The following PTPRD variants were observed in gnomAD, a reference collection of about 807,000 sequenced individuals.
PTPRD encodes protein tyrosine phosphatase receptor type D.
In PTPRD, 34 loss-of-function variants were observed where a neutral mutation model predicts 214.5. The observed-to-expected ratio is 0.16, with a 90% CI of 0.12 to 0.21. The LOEUF (loss-of-function observed/expected upper bound fraction) is 0.21. PTPRD is among the 10% of genes least tolerant of loss of function. PTPRD has a pLI of 1.00. For synonymous variants in PTPRD, 1,128 were observed against 845.7 expected, an observed-to-expected ratio of 1.33 and a Z score of -5.79; for missense variants, 2,545 against 2,398.7, an observed-to-expected ratio of 1.06 and a Z score of -1.27.
At chr9:10,087,110 C>A (rs1160578057) in intron 3 of PTPRD, among the ~76,000 whole-genome samples, 2 of 147,180 alleles carry the variant, frequency 1.4e-5, no homozygotes, top group Non-Finnish European at 3.0e-5. Flanking sequence ...TCAAACAATG[C>A]TTGATTTTTC....
chr9:9,393,752 CTG>C (rs1327016428), intron 9 of PTPRD, among the ~76,000 whole-genome samples: 1 of 152,076 alleles, frequency 6.6e-6, no homozygotes, highest in Non-Finnish European at 1.5e-5. Flanking sequence ...CTAAAATACA[CTG>C]TTATTTCCAC....
intron 2 of PTPRD, among the ~76,000 whole-genome samples, chr9:10,473,158 T>C (rs2131796592): frequency 7.2e-6 from 1 of 139,150 alleles, no homozygotes; most frequent in African/African-American, 2.7e-5. Flanking sequence ...CCGACACATG[T>C]GGCCACATTA....
intron 8 of PTPRD, among the ~76,000 whole-genome samples, chr9:9,525,147 G>A (rs1002839481): frequency 1.3e-5 from 2 of 152,148 alleles, no homozygotes; most frequent in South Asian, 2.1e-4. Flanking sequence ...GTGAGCCACC[G>A]CCCGGTCGGG....
intron 4 of PTPRD, among the ~76,000 whole-genome samples, chr9:9,941,244 C>G (rs1298800568): frequency 6.6e-6 from 1 of 152,128 alleles, no homozygotes; most frequent in Non-Finnish European, 1.5e-5. Context: ...AAGGGAAAAG[C>G]TATGTCTGAC....
At chr9:8,996,149 C>T (rs2099395752) in intron 11 of PTPRD, among the ~76,000 whole-genome samples, 1 of 152,054 alleles carries the variant, frequency 6.6e-6, no homozygotes, top group African/African-American at 2.4e-5. Context: ...TAGGTTCTCA[C>T]AAAAACCTAT....
At chr9:9,188,888 A>G (rs891734123) in intron 9 of PTPRD, among the ~76,000 whole-genome samples, 1 of 151,954 alleles carries the variant, frequency 6.6e-6, no homozygotes, top group African/African-American at 2.4e-5. Flanking sequence ...CAAATAAACA[A>G]AACCAACACA....
intron 27 of PTPRD, among the ~76,000 whole-genome samples, chr9:8,488,903 T>C (rs925677154): frequency 3.3e-5 from 5 of 152,130 alleles, no homozygotes; most frequent in Non-Finnish European, 7.3e-5. Flanking sequence ...TAATTCTCAA[T>C]ATTCTCCAGA....
chr9:9,627,957 T>C (rs1439535397), intron 7 of PTPRD, among the ~76,000 whole-genome samples: 1 of 152,084 alleles, frequency 6.6e-6, no homozygotes, highest in Non-Finnish European at 1.5e-5. Flanking sequence ...ATGTTTTTTT[T>C]AAGTGGCACA....
At chr9:8,833,074 T>C (rs2097332111) in intron 11 of PTPRD, among the ~76,000 whole-genome samples, 2 of 152,060 alleles carry the variant, frequency 1.3e-5, no homozygotes, top group Admixed American at 1.3e-4. Flanking sequence ...GAAATCTTAA[T>C]AACAGCATTG....
intron 3 of PTPRD, among the ~76,000 whole-genome samples, chr9:10,285,672 G>A (rs940178649): frequency 6.9e-6 from 1 of 145,362 alleles, no homozygotes; most frequent in African/African-American, 2.6e-5. Context: ...GGGCGGTGGT[G>A]CCATCTAGGC....
chr9:8,714,880 ATATTG>A (rs966544240), intron 12 of PTPRD, among the ~76,000 whole-genome samples: 12 of 152,180 alleles, frequency 7.9e-5, no homozygotes, highest in African/African-American at 2.4e-4. Flanking sequence ...ATTGTTTATT[ATATTG>A]TATTTATTGT....
intron 2 of PTPRD, among the ~76,000 whole-genome samples, chr9:10,473,828 T>C (rs2099046401): frequency 6.6e-6 from 1 of 152,080 alleles, no homozygotes; most frequent in South Asian, 2.1e-4. Flanking sequence ...TATTGCCCCA[T>C]TGTTTTTATA....
chr9:10,186,904 T>C (rs1055109884), intron 3 of PTPRD, among the ~76,000 whole-genome samples: 1 of 152,142 alleles, frequency 6.6e-6, no homozygotes, highest in African/African-American at 2.4e-5. Flanking sequence ...ATGTTGTTGA[T>C]ATATTTAGAA....
At chr9:10,074,364 A>G (rs1337209123) in intron 3 of PTPRD, among the ~76,000 whole-genome samples, 1 of 152,156 alleles carries the variant, frequency 6.6e-6, no homozygotes, top group East Asian at 1.9e-4. Flanking sequence ...TGCCATGTCT[A>G]GAAACACAGA....
At chr9:8,358,707 G>T (rs2077577840) in intron 39 of PTPRD, among the ~76,000 whole-genome samples, 1 of 151,766 alleles carries the variant, frequency 6.6e-6, no homozygotes, top group Non-Finnish European at 1.5e-5. Flanking sequence ...CCTAACCACA[G>T]AGTAGATATG....
Position 8,331,568 on chromosome 9 carries a change from A to C in PTPRD, c.5534+14T>G, listed in dbSNP as rs1205184261. The C allele has an allele frequency of 1.0e-5, 9 of 859,696 alleles. No individual in the cohort carries two copies. Among genetic ancestry groups the C allele is most frequent in the Middle Eastern group, 6.3e-4 (2 of 3,184 alleles). The allele number at this position is 859,696 out of a possible 1,614,324, so 53.3% of individuals were successfully genotyped here. A position where few individuals can be genotyped will look rare whatever the true frequency, so the allele number is the denominator to read the frequency against. ...CACCACTTATCACTGCTTTATTCAC[A>C]AATGGAAACTTACCTGCAATGGACT... is the stretch of plus-strand genomic sequence containing the variant. On this transcript the variant is annotated intron_variant, in intron 44 of 45. Coordinates refer to ENST00000381196, the MANE Select transcript of PTPRD (RefSeq NM_002839.4).
At chr9:9,372,869 T>A (rs932429066) in intron 9 of PTPRD, among the ~76,000 whole-genome samples, 1 of 152,108 alleles carries the variant, frequency 6.6e-6, no homozygotes, top group Non-Finnish European at 1.5e-5. Flanking sequence ...CCTTCACTTA[T>A]GAAGCTTAGT....
intron 4 of PTPRD, among the ~76,000 whole-genome samples, chr9:9,973,198 C>G (rs979060860): frequency 1.3e-5 from 2 of 151,190 alleles, no homozygotes; most frequent in Non-Finnish European, 2.9e-5. Flanking sequence ...CGCAGTGGCT[C>G]ATGCCTGTAA....
intron 6 of PTPRD, among the ~76,000 whole-genome samples, chr9:9,737,564 A>T (rs1043000992): frequency 1.3e-5 from 2 of 152,072 alleles, no homozygotes; most frequent in South Asian, 4.1e-4. Flanking sequence ...GGATTTGCCT[A>T]TTCTGTACAC....
Sources: allele counts gnomAD v4.1 joint callset (sites outside exome capture counted in the v4.1 genomes callset), GRCh38; gene constraint gnomAD v4.1.1; transcripts MANE v1.5; gene names NCBI Gene and HGNC (gene_info 2026-07-23, HGNC 2026-07-21).